The following RBM47 variants were observed in gnomAD, a reference collection of about 807,000 sequenced individuals.
RBM47 encodes the protein RNA-binding protein 47.
Under a neutral mutation model 47.1 loss-of-function variants are expected in RBM47, and 21 were observed. The ratio of observed to expected loss-of-function variants is 0.45; its 90% CI spans 0.32 to 0.64. The LOEUF is 0.64. Ranked by LOEUF, RBM47 falls within the 30% of genes least tolerant of loss-of-function variation. RBM47 has a pLI of 0.05. For missense variants in RBM47, 708 were observed against 870.9 expected, an observed-to-expected ratio of 0.81 and a Z score of 2.35; for synonymous variants, 375 against 361.7, an observed-to-expected ratio of 1.04 and a Z score of -0.42.
intron 3 of RBM47, among the ~76,000 whole-genome samples, chr4:40,457,142 G>A (rs938577254): frequency 2.6e-5 from 4 of 151,880 alleles, no homozygotes; most frequent in African/African-American, 4.8e-5. Context: ...TGTGGGGGTC[G>A]GGCGTGGTGG....
At chr4:40,519,451 C>T (rs1422270825) in intron 2 of RBM47, among the ~76,000 whole-genome samples, 4 of 151,630 alleles carry the variant, frequency 2.6e-5, no homozygotes, top group African/African-American at 9.7e-5. Flanking sequence ...GTGTGCACCA[C>T]CACACCCGGC....
intron 1 of RBM47, among the ~76,000 whole-genome samples, chr4:40,545,725 A>C (rs534810247): frequency 1.8e-4 from 26 of 142,494 alleles, no homozygotes; most frequent in Non-Finnish European, 3.1e-4. Flanking sequence ...GAGGGAGAGA[A>C]GAGGAAATGT....
At chr4:40,484,527 A>G (rs1159149862) in intron 2 of RBM47, among the ~76,000 whole-genome samples, 3 of 151,058 alleles carry the variant, frequency 2.0e-5, no homozygotes, top group African/African-American at 4.9e-5. Context: ...TATGGTTGGG[A>G]TCATGTTACT....
chr4:40,532,898 A>C (rs920846818), intron 2 of RBM47, among the ~76,000 whole-genome samples: 8 of 152,098 alleles, frequency 5.3e-5, no homozygotes, highest in Admixed American at 4.6e-4. Context: ...TGCAATCTGC[A>C]AAATTTTAGG....
intron 1 of RBM47, among the ~76,000 whole-genome samples, chr4:40,599,079 GC>G (rs1476492735): frequency 2.6e-5 from 4 of 151,748 alleles, no homozygotes; most frequent in Admixed American, 6.6e-5. Context: ...ACATGATGAA[GC>G]CCCAACTCTA....
Position 40,473,197 on chromosome 4 carries a change from T to C in RBM47, c.-154-6498A>G, listed in dbSNP as rs141711067. 3.1e-3 allele frequency among the ~76,000 whole-genome samples: 472 copies of C among 152,318 alleles called. 1 individual carries two copies. Among genetic ancestry groups the C allele is most frequent in the African/African-American group, 0.011 (446 of 41,566 alleles). On this transcript the variant is annotated intron_variant, in intron 2 of 6. Transcript: ENST00000295971. ...GGCACTAAGCATTCCACATACATCG[T>C]CTTATTTAATCATTGCTACAACCTC...
At chr4:40,589,188 G>A (rs1715569558) in intron 1 of RBM47, among the ~76,000 whole-genome samples, 1 of 151,052 alleles carries the variant, frequency 6.6e-6, no homozygotes, top group Admixed American at 6.6e-5. Flanking sequence ...GGCTGGTCTC[G>A]AACTCCTGAC....
At chr4:40,623,044 T>C (rs1300967761) in intron 1 of RBM47, among the ~76,000 whole-genome samples, 8 of 152,348 alleles carry the variant, frequency 5.3e-5, no homozygotes, top group African/African-American at 1.7e-4. Context: ...AGACCTTTCA[T>C]ACATGACCAG....
chr4:40,576,563 T>C (rs997924727), intron 1 of RBM47, among the ~76,000 whole-genome samples: 11 of 152,170 alleles, frequency 7.2e-5, no homozygotes, highest in Admixed American at 4.6e-4. Flanking sequence ...TGAGAAATCA[T>C]TTGTCATTTT....
chr4:40,459,108 G>C (rs1224260889), intron 3 of RBM47, among the ~76,000 whole-genome samples: 1 of 152,118 alleles, frequency 6.6e-6, no homozygotes, highest in Admixed American at 6.5e-5. Flanking sequence ...GATATTAAAG[G>C]CTCTTTCCAC....
At chr4:40,484,681 C>T (rs953122085) in intron 2 of RBM47, among the ~76,000 whole-genome samples, 1 of 152,212 alleles carries the variant, frequency 6.6e-6, no homozygotes, top group Non-Finnish European at 1.5e-5. Flanking sequence ...AGATACACAG[C>T]TACACACAAA....
intron 2 of RBM47, among the ~76,000 whole-genome samples, chr4:40,526,257 T>C (rs1012031661): frequency 2.6e-5 from 4 of 152,156 alleles, no homozygotes; most frequent in African/African-American, 4.8e-5. Flanking sequence ...TTGTAGTATT[T>C]CAATACAAAG....
intron 1 of RBM47, among the ~76,000 whole-genome samples, chr4:40,583,125 G>T (rs1053071560): frequency 6.6e-6 from 1 of 152,092 alleles, no homozygotes; most frequent in African/African-American, 2.4e-5. Flanking sequence ...AGCAAAGGGA[G>T]ACAAAAGCAA....
chr4:40,536,047 C>A (rs1249095062), intron 2 of RBM47, among the ~76,000 whole-genome samples: 3 of 152,216 alleles, frequency 2.0e-5, no homozygotes, highest in Non-Finnish European at 4.4e-5. Context: ...CTTGAGGTGT[C>A]ACTTGTATTT....
chr4:40,492,325 T>G (rs1267682548), intron 2 of RBM47, among the ~76,000 whole-genome samples: 1 of 152,030 alleles, frequency 6.6e-6, no homozygotes, highest in Admixed American at 6.6e-5. Context: ...ATTGTGCCAC[T>G]GCACTCCAGC....
chr4:40,620,736 G>A (rs1560510053), intron 1 of RBM47, among the ~76,000 whole-genome samples: 1 of 151,738 alleles, frequency 6.6e-6, no homozygotes, highest in Non-Finnish European at 1.5e-5. Flanking sequence ...TTTTCGCCAT[G>A]TTGCCCAGGC....
intron 2 of RBM47, among the ~76,000 whole-genome samples, chr4:40,522,894 T>G (rs1007889586): frequency 6.6e-6 from 1 of 152,096 alleles, no homozygotes; most frequent in Non-Finnish European, 1.5e-5. Flanking sequence ...AATTTTAATT[T>G]CTAATGCAGT....
intron 2 of RBM47, among the ~76,000 whole-genome samples, chr4:40,539,596 C>A (rs777903282): frequency 6.6e-6 from 1 of 151,462 alleles, no homozygotes; most frequent in African/African-American, 2.4e-5. Flanking sequence ...AAAAATTAGC[C>A]GAGCGTGGTG....
At chr4:40,512,608 G>T in intron 2 of RBM47, among the ~76,000 whole-genome samples, 1 of 151,058 alleles carries the variant, frequency 6.6e-6, no homozygotes, top group Non-Finnish European at 1.5e-5. Flanking sequence ...CCAGCTACTT[G>T]GGAGGCTGAG....
Sources: gnomAD v4.1 joint callset for allele counts (sites outside exome capture counted in the v4.1 genomes callset) on GRCh38, gnomAD v4.1.1 for gene constraint, MANE v1.5 for transcripts, NCBI Gene and HGNC (gene_info 2026-07-23, HGNC 2026-07-21) for gene names.